MCPH1: variants seen among roughly 807,000 people sequenced by gnomAD.
MCPH1 encodes microcephalin 1, also known as microcephalin.
In MCPH1, 104 loss-of-function variants were observed where a neutral mutation model predicts 84.5. That is an observed-to-expected ratio of 1.23 (90% CI 1.05 to 1.45). The LOEUF (loss-of-function observed/expected upper bound fraction) is 1.45, where lower values mean the gene tolerates loss of function less well. MCPH1 is among the 40% of genes most tolerant of loss of function. MCPH1 has a pLI of 0.00. For synonymous variants in MCPH1, 514 were observed against 366.8 expected, an observed-to-expected ratio of 1.40 and a Z score of -4.58; for missense variants, 1,498 against 1,005.7, an observed-to-expected ratio of 1.49 and a Z score of -6.62.
chr8:6,493,934 T>G (rs377454025), intron 11 of MCPH1, among the ~76,000 whole-genome samples: 1,526 of 100,670 alleles, frequency 0.015, 29 homozygotes, highest in African/African-American at 0.04. Context: ...TGCTTGGAAA[T>G]AGTAAATTTT....
intron 12 of MCPH1, among the ~76,000 whole-genome samples, chr8:6,591,375 G>A (rs1036867467): frequency 6.6e-6 from 1 of 152,198 alleles, no homozygotes; most frequent in Non-Finnish European, 1.5e-5. Flanking sequence ...TATGGCATTT[G>A]TAGACAATCG....
chr8:6,455,136 G>T lies in MCPH1; in HGVS notation c.1826-7G>T, dbSNP rs1483102093. 6.2e-7 allele frequency: 1 copy of T among 1,609,688 alleles called. No homozygotes were observed. Among genetic ancestry groups the T allele is most frequent in the African/African-American group, 1.3e-5 (1 of 74,876 alleles). On this transcript the variant is annotated splice_polypyrimidine_tract_variant and splice_region_variant and intron_variant, in intron 8 of 13. Transcript: ENST00000344683. ...TCTAACTAATTTTTAATCCCCTTGG[G>T]TTTTAGGTGTTAAAAATAGACCAAC...
intron 12 of MCPH1, among the ~76,000 whole-genome samples, chr8:6,513,457 C>G (rs1467804789): frequency 6.6e-6 from 1 of 151,762 alleles, no homozygotes; most frequent in Admixed American, 6.6e-5. Context: ...CTCAGCCTCC[C>G]GAGTAGCTGG....
chr8:6,488,741 A>C (rs1234997483), intron 11 of MCPH1, among the ~76,000 whole-genome samples: 1 of 152,038 alleles, frequency 6.6e-6, no homozygotes, highest in Non-Finnish European at 1.5e-5. Flanking sequence ...TGCAGAAGCC[A>C]TCGGACTATT....
intron 12 of MCPH1, among the ~76,000 whole-genome samples, chr8:6,521,630 A>G (rs907724752): frequency 8.5e-5 from 13 of 152,254 alleles, no homozygotes; most frequent in Non-Finnish European, 7.3e-5. Context: ...ATGTATGTAC[A>G]TGCAGACTTA....
intron 12 of MCPH1, chr8:6,521,095 A>C: frequency 9.2e-7 from 1 of 1,084,092 alleles, no homozygotes; most frequent in Non-Finnish European, 1.3e-6. Flanking sequence ...GCCTTTTCTG[A>C]AAGGTGAGAA....
At position 6,639,588 on chromosome 8, in the gene MCPH1, A is replaced by C. The variant is rs918737915; in HGVS notation, c.2453-3406A>C. On this transcript the variant is annotated intron_variant, in intron 13 of 13. Coordinates refer to ENST00000344683, the MANE Select transcript of MCPH1 (RefSeq NM_024596.5). ...CAAGGTGGGAGGATCACTCGAGGACAGGAATTCCAGGCTGCAGTAAGCCAT... is the reference window on the plus strand; with the variant it reads ...CAAGGTGGGAGGATCACTCGAGGACCGGAATTCCAGGCTGCAGTAAGCCAT... Among the ~76,000 whole-genome samples the C allele has an allele frequency of 4.6e-5, 7 of 152,170 alleles. No individual in the cohort carries two copies. In the East Asian group the frequency reaches 1.2e-3, roughly 25 times the overall value.
At chr8:6,558,492 G>T (rs994140317) in intron 12 of MCPH1, among the ~76,000 whole-genome samples, 1 of 152,162 alleles carries the variant, frequency 6.6e-6, no homozygotes, top group Non-Finnish European at 1.5e-5. Context: ...CTGAGCATCT[G>T]ATCACCAATG....
chr8:6,612,163 C>G (rs1301545194), intron 12 of MCPH1, among the ~76,000 whole-genome samples: 1 of 152,118 alleles, frequency 6.6e-6, no homozygotes, highest in Non-Finnish European at 1.5e-5. Context: ...CGGGGAATTC[C>G]AAGGGTTTAG....
chr8:6,586,653 A>G (rs994115261), intron 12 of MCPH1, among the ~76,000 whole-genome samples: 1 of 152,342 alleles, frequency 6.6e-6, no homozygotes, highest in East Asian at 1.9e-4. Flanking sequence ...GCCAGGAGAA[A>G]CCATGAGCAC....
chr8:6,464,589 G>T (rs1806644654), intron 9 of MCPH1, among the ~76,000 whole-genome samples: 2 of 152,184 alleles, frequency 1.3e-5, no homozygotes, highest in Admixed American at 1.3e-4. Flanking sequence ...TGGATCTCCT[G>T]TGCCTCAGTG....
chr8:6,624,452 G>A (rs1831848341), intron 13 of MCPH1, among the ~76,000 whole-genome samples: 1 of 152,196 alleles, frequency 6.6e-6, no homozygotes, highest in Non-Finnish European at 1.5e-5. Context: ...CATCTCCAGT[G>A]TAGTAGACCT....
intron 12 of MCPH1, chr8:6,509,182 T>A: frequency 1.6e-6 from 2 of 1,267,232 alleles, no homozygotes; most frequent in Non-Finnish European, 2.2e-6. Context: ...GTTAATGGAC[T>A]AATGCATACT....
chr8:6,531,337 G>T, intron 12 of MCPH1, among the ~76,000 whole-genome samples: 1 of 148,500 alleles, frequency 6.7e-6, no homozygotes. Context: ...TGCCCAGGCT[G>T]GAGTGCAGTG....
chr8:6,566,648 AT>A, intron 12 of MCPH1, among the ~76,000 whole-genome samples: 1 of 151,468 alleles, frequency 6.6e-6, no homozygotes, highest in East Asian at 2.0e-4. Flanking sequence ...TGGATAGTGC[AT>A]GTGGTGCGGT....
At chr8:6,627,203 G>T in intron 13 of MCPH1, 1 of 985,338 alleles carries the variant, frequency 1.0e-6, no homozygotes, top group Non-Finnish European at 1.2e-6. Context: ...TCAGGCCTTC[G>T]GGCTTCCTGA....
intron 12 of MCPH1, among the ~76,000 whole-genome samples, chr8:6,579,826 A>G (rs1232714916): frequency 6.6e-6 from 1 of 152,198 alleles, no homozygotes; most frequent in Non-Finnish European, 1.5e-5. Flanking sequence ...TCGTTTATGC[A>G]GAAGTGGAAT....
intron 3 of MCPH1, among the ~76,000 whole-genome samples, chr8:6,417,443 A>G (rs1451975551): frequency 6.6e-6 from 1 of 152,144 alleles, no homozygotes. Context: ...TAGTTTCCCA[A>G]TCCTTTCTGT....
chr8:6,619,648 A>G (rs1831204748), intron 12 of MCPH1, among the ~76,000 whole-genome samples: 1 of 145,514 alleles, frequency 6.9e-6, no homozygotes, highest in Admixed American at 6.9e-5. Context: ...GCAGTGGCAC[A>G]ATCTCAGCTC....
Sources: gnomAD v4.1 joint callset for allele counts (sites outside exome capture counted in the v4.1 genomes callset) on GRCh38, gnomAD v4.1.1 for gene constraint, MANE v1.5 for transcripts, NCBI Gene and HGNC (gene_info 2026-07-23, HGNC 2026-07-21) for gene names.